The following FRMD4A variants were observed in gnomAD, a reference collection of about 807,000 sequenced individuals.
The protein encoded by FRMD4A is FERM domain-containing protein 4A.
FRMD4A carries 29 observed loss-of-function variants against 129.1 expected under a neutral mutation model. The observed-to-expected ratio is 0.22, with a 90% CI of 0.17 to 0.31. The LOEUF (loss-of-function observed/expected upper bound fraction) is 0.31. Among genes scored for constraint, FRMD4A ranks in the 10% least tolerant of loss-of-function variants. FRMD4A has a pLI of 1.00. For missense variants in FRMD4A, 1,272 were observed against 1,375.8 expected (o/e 0.92, Z 1.19); for synonymous variants, 634 against 571.6 (o/e 1.11, Z -1.56).
chr10:13,926,758 G>A (rs1464352388), intron 2 of FRMD4A, among the ~76,000 whole-genome samples: 1 of 152,172 alleles, frequency 6.6e-6, no homozygotes, highest in Non-Finnish European at 1.5e-5. Flanking sequence ...ACACGACAAT[G>A]TACAAGGATA....
chr10:14,214,425 T>C (rs1168705022), intron 2 of FRMD4A, among the ~76,000 whole-genome samples: 1 of 152,170 alleles, frequency 6.6e-6, no homozygotes, highest in Non-Finnish European at 1.5e-5. Context: ...GACAAGTAAC[T>C]CAACCTCTCT....
At chr10:14,298,118 G>A (rs1846067564) in intron 2 of FRMD4A, among the ~76,000 whole-genome samples, 1 of 152,106 alleles carries the variant, frequency 6.6e-6, no homozygotes, top group Non-Finnish European at 1.5e-5. Flanking sequence ...CCAAGACAAA[G>A]GTGAGCAGTT....
intron 2 of FRMD4A, among the ~76,000 whole-genome samples, chr10:14,106,331 A>T (rs925747444): frequency 6.6e-6 from 1 of 152,114 alleles, no homozygotes; most frequent in African/African-American, 2.4e-5. Context: ...TAGTCATTTA[A>T]TTTCTTTGCT....
intron 2 of FRMD4A, among the ~76,000 whole-genome samples, chr10:13,994,727 A>G (rs1469276585): frequency 1.3e-5 from 2 of 152,180 alleles, no homozygotes; most frequent in African/African-American, 4.8e-5. Flanking sequence ...TTTTCCTTAA[A>G]TATAAGAACA....
chr10:13,807,987 C>CG (rs1332198224), intron 4 of FRMD4A, among the ~76,000 whole-genome samples: 1 of 151,884 alleles, frequency 6.6e-6, no homozygotes, highest in Non-Finnish European at 1.5e-5. Context: ...TTAGTAGAGA[C>CG]GGGGTTTCAC....
At chr10:14,120,329 T>A (rs1838435451) in intron 2 of FRMD4A, among the ~76,000 whole-genome samples, 1 of 152,092 alleles carries the variant, frequency 6.6e-6, no homozygotes, top group African/African-American at 2.4e-5. Flanking sequence ...TCAGTGTCAC[T>A]TCCTTCAGGA....
intron 21 of FRMD4A, 81 bp from the exon 22 acceptor site, chr10:13,657,603 G>C: frequency 6.9e-7 from 1 of 1,447,832 alleles, no homozygotes; most frequent in African/African-American, 1.4e-5. Context: ...GGGGTCCTGA[G>C]GAGGGCACTG....
At chr10:14,021,792 C>A (rs545133053) in intron 2 of FRMD4A, among the ~76,000 whole-genome samples, 1 of 151,876 alleles carries the variant, frequency 6.6e-6, no homozygotes, top group East Asian at 1.9e-4. Context: ...TGCACCTCAC[C>A]GATATCTTAC....
intron 6 of FRMD4A, among the ~76,000 whole-genome samples, chr10:13,765,929 C>G (rs537763894): frequency 6.6e-6 from 1 of 152,270 alleles, no homozygotes; most frequent in African/African-American, 2.4e-5. Context: ...ACATTTACAC[C>G]TTATGTTACA....
intron 12 of FRMD4A, among the ~76,000 whole-genome samples, chr10:13,719,888 T>C (rs1271069969): frequency 1.3e-5 from 2 of 152,216 alleles, no homozygotes. Flanking sequence ...TTTGGTGCTA[T>C]GGACAAAAAT....
At chr10:14,140,058 ATATTT>A (rs750509425) in intron 2 of FRMD4A, among the ~76,000 whole-genome samples, 2 of 151,970 alleles carry the variant, frequency 1.3e-5, no homozygotes, top group Non-Finnish European at 2.9e-5. Flanking sequence ...TTTATTGTAC[ATATTT>A]TATTTTATTT....
chr10:14,156,859 T>C (rs1043107245), intron 2 of FRMD4A, among the ~76,000 whole-genome samples: 17 of 152,192 alleles, frequency 1.1e-4, no homozygotes, highest in African/African-American at 3.6e-4. Flanking sequence ...AAGAGGCTTC[T>C]TCATCCTTTG....
intron 2 of FRMD4A, among the ~76,000 whole-genome samples, chr10:13,928,237 G>A (rs2797882): frequency 0.18 from 27,026 of 151,784 alleles, 2,528 homozygotes; most frequent in East Asian, 0.26. Context: ...GCCTAGGCTC[G>A]TCTCCAACTC....
At chr10:13,660,586 C>G in intron 19 of FRMD4A, 33 bp from the exon 20 acceptor site, 2 of 1,358,906 alleles carry the variant, frequency 1.5e-6, no homozygotes, top group African/African-American at 1.4e-5. Context: ...GAACTGAGCC[C>G]CGGTCATCCT....
intron 2 of FRMD4A, among the ~76,000 whole-genome samples, chr10:14,265,333 TTGA>T (rs1253036923): frequency 6.6e-6 from 1 of 152,208 alleles, no homozygotes; most frequent in Non-Finnish European, 1.5e-5. Flanking sequence ...TGAAAATGAG[TTGA>T]TGTTTCATCC....
At chr10:13,945,808 G>A (rs2095327179) in intron 2 of FRMD4A, among the ~76,000 whole-genome samples, 1 of 152,174 alleles carries the variant, frequency 6.6e-6, no homozygotes, top group Non-Finnish European at 1.5e-5. Flanking sequence ...TTTGGCTGTT[G>A]TTGCTTTCTC....
At chr10:13,848,881 A>G (rs1020248807) in intron 3 of FRMD4A, among the ~76,000 whole-genome samples, 7 of 152,144 alleles carry the variant, frequency 4.6e-5, no homozygotes, top group African/African-American at 1.7e-4. Context: ...TGTTTTATGG[A>G]CTATTTCTTA....
chr10:13,810,584 C>T (rs1356628168), intron 4 of FRMD4A, among the ~76,000 whole-genome samples: 2 of 152,116 alleles, frequency 1.3e-5, no homozygotes, highest in African/African-American at 4.8e-5. Flanking sequence ...ATTATTAGAA[C>T]TAGTTTACCT....
intron 2 of FRMD4A, among the ~76,000 whole-genome samples, chr10:14,323,491 G>A (rs966924216): frequency 2.6e-5 from 4 of 152,152 alleles, no homozygotes; most frequent in Non-Finnish European, 4.4e-5. Context: ...CATGATTTGG[G>A]ATTCACTGAT....
Sources: gnomAD v4.1 joint callset for allele counts (sites outside exome capture counted in the v4.1 genomes callset) on GRCh38, gnomAD v4.1.1 for gene constraint, MANE v1.5 for transcripts, NCBI Gene and HGNC (gene_info 2026-07-23, HGNC 2026-07-21) for gene names.